SGCD: variants seen among roughly 807,000 people sequenced by gnomAD.
SGCD encodes the protein sarcoglycan delta, also known as delta-sarcoglycan.
In SGCD, 18 loss-of-function variants were observed where a neutral mutation model predicts 36.6. The observed-to-expected ratio is 0.49, with a 90% CI of 0.34 to 0.73. SGCD has a LOEUF of 0.73. Among genes scored for constraint, SGCD ranks in the 30% least tolerant of loss-of-function variants. The pLI is 0.01. For missense variants in SGCD, 387 were observed against 346.7 expected, an observed-to-expected ratio of 1.12 and a Z score of -0.92; for synonymous variants, 133 against 130.6, an observed-to-expected ratio of 1.02 and a Z score of -0.12.
chr5:156,276,234 G>T (rs1246366944), intron 3 of SGCD, among the ~76,000 whole-genome samples: 1 of 152,130 alleles, frequency 6.6e-6, no homozygotes, highest in African/African-American at 2.4e-5. Flanking sequence ...CATAGCTGCT[G>T]GGTTTCTCTA....
chr5:156,498,271 A>AAAC (rs1209060359), intron 3 of SGCD, among the ~76,000 whole-genome samples: 20 of 151,996 alleles, frequency 1.3e-4, no homozygotes, highest in Non-Finnish European at 2.4e-4. Flanking sequence ...ACAAAAAAAA[A>AAAC]AAAAAAACAC....
At chr5:155,981,092 G>A (rs188170737) in intron 1 of SGCD, among the ~76,000 whole-genome samples, 2 of 152,364 alleles carry the variant, frequency 1.3e-5, no homozygotes, top group South Asian at 2.1e-4. Flanking sequence ...GAGGAGGGCG[G>A]ATCCAGCTGG....
At chr5:156,507,029 T>G (rs1347906966) in intron 3 of SGCD, among the ~76,000 whole-genome samples, 1 of 152,190 alleles carries the variant, frequency 6.6e-6, no homozygotes, top group Non-Finnish European at 1.5e-5. Flanking sequence ...TGCCTACTGA[T>G]AGAAGAACCT....
At chr5:156,083,443 C>T (rs572092664) in intron 1 of SGCD, among the ~76,000 whole-genome samples, 29 of 151,812 alleles carry the variant, frequency 1.9e-4, no homozygotes, top group Middle Eastern at 3.4e-3. Context: ...TACAGGCATG[C>T]GCCACCATGC....
At chr5:155,833,072 G>GA in the SGCD span, among the ~76,000 whole-genome samples, 9 of 135,202 alleles carry the variant, frequency 6.7e-5, no homozygotes, top group Non-Finnish European at 1.2e-4. Flanking sequence ...AAAAAAAAAA[G>GA]AAAAAAAATT....
chr5:155,837,194 G>T, the SGCD span, among the ~76,000 whole-genome samples: 1 of 152,008 alleles, frequency 6.6e-6, no homozygotes, highest in Non-Finnish European at 1.5e-5. Flanking sequence ...GACTCACTGG[G>T]TTGCCCAAGC....
intron 4 of SGCD, among the ~76,000 whole-genome samples, chr5:156,569,366 C>A (rs954857373): frequency 6.6e-6 from 1 of 151,816 alleles, no homozygotes; most frequent in African/African-American, 2.4e-5. Flanking sequence ...CCGAGGCAGG[C>A]GGATCACCTG....
chr5:155,977,090 G>A (rs1758130638), intron 1 of SGCD, among the ~76,000 whole-genome samples: 1 of 152,182 alleles, frequency 6.6e-6, no homozygotes, highest in South Asian at 2.1e-4. Flanking sequence ...TTGCTTTCCA[G>A]TCACTGGGCC....
the SGCD span, among the ~76,000 whole-genome samples, chr5:155,796,010 C>T: frequency 6.6e-6 from 1 of 152,152 alleles, no homozygotes. Context: ...AAAACATAAT[C>T]GTAGTGAGTG....
upstream of SGCD, among the ~76,000 whole-genome samples, chr5:155,866,222 A>G (rs1755521974): frequency 6.6e-6 from 1 of 151,884 alleles, no homozygotes; most frequent in African/African-American, 2.4e-5. Context: ...CCCTCCCTCC[A>G]TCTCTTTTCT....
Position 156,761,131 on chromosome 5 carries a change from A to C in SGCD, c.*1741A>C, listed in dbSNP as rs1757491876. The C allele has an allele frequency of 6.6e-6, 1 of 152,202 alleles. No individual in the cohort carries two copies. The highest frequency in any genetic ancestry group is 2.4e-5 in the African/African-American group (1 of 41,454). The allele number at this position is 152,202 out of a possible 1,614,324, so 9.4% of individuals were successfully genotyped here. A position where few individuals can be genotyped will look rare whatever the true frequency, so the allele number is the denominator to read the frequency against. Reference sequence around the variant, plus strand: ...CAAGCAAGGGAAGTTTTGTGATAGGAGAGAAATAAAAGATTTGATATTTTT... The same window carrying C: ...CAAGCAAGGGAAGTTTTGTGATAGGCGAGAAATAAAAGATTTGATATTTTT... On this transcript the variant is annotated 3_prime_UTR_variant, in exon 9 of 9. Coordinates refer to ENST00000337851, the MANE Select transcript of SGCD (RefSeq NM_000337.6).
At chr5:155,894,317 A>T (rs1244640695) in intron 1 of SGCD, among the ~76,000 whole-genome samples, 1 of 152,204 alleles carries the variant, frequency 6.6e-6, no homozygotes, top group Non-Finnish European at 1.5e-5. Flanking sequence ...TTTCGGCTCC[A>T]TTATAATCTT....
chr5:156,071,978 G>C (rs1159897705), intron 1 of SGCD, among the ~76,000 whole-genome samples: 1 of 151,940 alleles, frequency 6.6e-6, no homozygotes, highest in Non-Finnish European at 1.5e-5. Flanking sequence ...TTTTCCATTT[G>C]CTTGGTAGAT....
chr5:156,170,645 G>A (rs530051249), intron 3 of SGCD, among the ~76,000 whole-genome samples: 1 of 152,282 alleles, frequency 6.6e-6, no homozygotes, highest in South Asian at 2.1e-4. Flanking sequence ...CCTATCTGAA[G>A]TCCTTGCTTC....
At chr5:155,902,509 C>G (rs1486252612) in intron 1 of SGCD, among the ~76,000 whole-genome samples, 3 of 152,056 alleles carry the variant, frequency 2.0e-5, no homozygotes, top group Non-Finnish European at 2.9e-5. Context: ...TTATCAGGGT[C>G]ATATAGTAAG....
intron 3 of SGCD, among the ~76,000 whole-genome samples, chr5:156,212,964 T>G (rs79302010): frequency 1.9e-3 from 285 of 152,086 alleles, no homozygotes; most frequent in Non-Finnish European, 3.3e-3. Flanking sequence ...TAAATATACA[T>G]TTATCATCCC....
At chr5:156,627,562 A>G (rs1762481616) in intron 6 of SGCD, among the ~76,000 whole-genome samples, 1 of 152,190 alleles carries the variant, frequency 6.6e-6, no homozygotes, top group Admixed American at 6.5e-5. Flanking sequence ...GTACAGGTTG[A>G]AAAGCTCACT....
At chr5:156,259,295 A>G (rs1765792815) in intron 3 of SGCD, among the ~76,000 whole-genome samples, 1 of 151,828 alleles carries the variant, frequency 6.6e-6, no homozygotes, top group Admixed American at 6.6e-5. Context: ...GTTTGTGCCT[A>G]TCGTTTTATT....
At chr5:156,099,167 A>G (rs1211333507) in intron 1 of SGCD, among the ~76,000 whole-genome samples, 1 of 152,212 alleles carries the variant, frequency 6.6e-6, no homozygotes, top group African/African-American at 2.4e-5. Context: ...ATCCTAAGTC[A>G]GCTAGCCCCG....
Sources: gnomAD v4.1 joint callset for allele counts (sites outside exome capture counted in the v4.1 genomes callset) on GRCh38, gnomAD v4.1.1 for gene constraint, MANE v1.5 for transcripts, NCBI Gene and HGNC (gene_info 2026-07-23, HGNC 2026-07-21) for gene names.